The following NPFFR2 variants were observed in gnomAD, a reference collection of about 807,000 sequenced individuals.
NPFFR2 encodes the protein neuropeptide FF receptor 2, also known as G-protein coupled receptor 74.
In NPFFR2, 15 loss-of-function variants were observed where a neutral mutation model predicts 13.1. The ratio of observed to expected loss-of-function variants is 1.15; its 90% confidence interval spans 0.77 to 1.76. The LOEUF is 1.76. Among genes scored for constraint, NPFFR2 ranks in the 40% most tolerant of loss-of-function variants. The probability of loss-of-function intolerance (pLI) is 0.00; values close to 1 mark genes in which losing one functional copy is unlikely to be tolerated. For synonymous variants in NPFFR2, 190 were observed against 175.7 expected (o/e 1.08, Z -0.65); for missense variants, 572 against 503.5 (o/e 1.14, Z -1.30).
At chr4:72,133,013 C>T (rs1344122937) in intron 2 of NPFFR2, among the ~76,000 whole-genome samples, 1 of 152,052 alleles carries the variant, frequency 6.6e-6, no homozygotes, top group Non-Finnish European at 1.5e-5. Context: ...TTAATAGATT[C>T]CATTTGTAAA....
At chr4:72,054,469 A>G (rs1159431317) in intron 1 of NPFFR2, among the ~76,000 whole-genome samples, 1 of 151,962 alleles carries the variant, frequency 6.6e-6, no homozygotes, top group Non-Finnish European at 1.5e-5. Context: ...CACCATACAC[A>G]AAAATTAAAT....
intron 2 of NPFFR2, among the ~76,000 whole-genome samples, chr4:72,133,134 G>T (rs530792688): frequency 3.7e-4 from 57 of 152,218 alleles, no homozygotes; most frequent in African/African-American, 1.2e-3. Flanking sequence ...ATAGTTTTGG[G>T]TTTTACCTTT....
intron 1 of NPFFR2, among the ~76,000 whole-genome samples, chr4:72,041,273 T>A (rs1247990889): frequency 6.6e-6 from 1 of 152,224 alleles, no homozygotes; most frequent in Admixed American, 6.5e-5. Context: ...TCTGCATTTA[T>A]TTGCTTAGGA....
At chr4:72,127,363 T>TC (rs1722085675) in intron 1 of NPFFR2, among the ~76,000 whole-genome samples, 1 of 101,304 alleles carries the variant, frequency 9.9e-6, no homozygotes, top group Non-Finnish European at 2.0e-5. Flanking sequence ...TTCTTTTCTT[T>TC]TTTTTTTTTT....
chr4:72,068,772 G>A (rs948620150), intron 1 of NPFFR2: 3 of 326,990 alleles, frequency 9.2e-6, no homozygotes, highest in Non-Finnish European at 1.7e-5. Flanking sequence ...TAGAATAACG[G>A]TTCTATGCTA....
chr4:72,127,399 T>C (rs1722088977), intron 1 of NPFFR2, among the ~76,000 whole-genome samples: 1 of 104,766 alleles, frequency 9.5e-6, no homozygotes, highest in Non-Finnish European at 1.9e-5. Flanking sequence ...AGTCTCGCTC[T>C]GTCGCCCAGG....
At chr4:72,065,301 A>G (rs1253223931) in intron 1 of NPFFR2, among the ~76,000 whole-genome samples, 1 of 152,176 alleles carries the variant, frequency 6.6e-6, no homozygotes, top group Non-Finnish European at 1.5e-5. Flanking sequence ...GTCTCTGAAA[A>G]AAATCAGAGA....
intron 1 of NPFFR2, among the ~76,000 whole-genome samples, chr4:72,108,799 C>A (rs1044761316): frequency 2.0e-5 from 3 of 151,832 alleles, no homozygotes; most frequent in Admixed American, 6.6e-5. Context: ...TCTTCAATTG[C>A]ACATTTTATA....
chr4:72,131,875 C>T (rs997822045), intron 2 of NPFFR2, among the ~76,000 whole-genome samples: 1 of 151,282 alleles, frequency 6.6e-6, no homozygotes, highest in African/African-American at 2.4e-5. Flanking sequence ...AACATATTTA[C>T]TAAATTCAAA....
At chr4:72,108,605 A>T (rs963510815) in intron 1 of NPFFR2, among the ~76,000 whole-genome samples, 1 of 152,060 alleles carries the variant, frequency 6.6e-6, no homozygotes, top group East Asian at 1.9e-4. Flanking sequence ...CTAAAATATT[A>T]TATATGTGTA....
intron 1 of NPFFR2, among the ~76,000 whole-genome samples, chr4:72,119,898 C>T (rs568391928): frequency 2.6e-5 from 4 of 152,044 alleles, no homozygotes; most frequent in Non-Finnish European, 5.9e-5. Flanking sequence ...TTTTTTCATA[C>T]CCCAGTGGCA....
chr4:72,050,174 T>C (rs144826353), intron 1 of NPFFR2, among the ~76,000 whole-genome samples: 1 of 152,074 alleles, frequency 6.6e-6, no homozygotes, highest in South Asian at 2.1e-4. Context: ...TTTTCCATGT[T>C]AGTGAACACA....
chr4:72,099,884 AAC>A (rs1721190311), intron 1 of NPFFR2, among the ~76,000 whole-genome samples: 2 of 152,142 alleles, frequency 1.3e-5, no homozygotes, highest in Admixed American at 6.6e-5. Context: ...CACACACAGA[AAC>A]ACACAAGGGG....
intron 1 of NPFFR2, among the ~76,000 whole-genome samples, chr4:72,077,217 A>C (rs574305720): frequency 8.5e-5 from 13 of 152,090 alleles, no homozygotes; most frequent in Non-Finnish European, 1.3e-4. Context: ...GGCTTTCACT[A>C]ATGTAACCCT....
At chr4:72,124,935 A>C (rs1270871799) in intron 1 of NPFFR2, among the ~76,000 whole-genome samples, 1 of 152,228 alleles carries the variant, frequency 6.6e-6, no homozygotes, top group Non-Finnish European at 1.5e-5. Context: ...ATCCAATGAA[A>C]CTAAAGAGCT....
chr4:72,046,853 A>G (rs1719395372), intron 1 of NPFFR2, among the ~76,000 whole-genome samples: 1 of 152,178 alleles, frequency 6.6e-6, no homozygotes, highest in Non-Finnish European at 1.5e-5. Context: ...TTAAAGGTAA[A>G]GGCCATTTTG....
chr4:72,037,311 G>A (rs1719064802), intron 1 of NPFFR2, among the ~76,000 whole-genome samples: 1 of 151,636 alleles, frequency 6.6e-6, no homozygotes, highest in Admixed American at 6.6e-5. Flanking sequence ...GGTTAAGGTG[G>A]GAGGATTGCT....
intron 1 of NPFFR2, among the ~76,000 whole-genome samples, chr4:72,072,743 C>G (rs1199466144): frequency 6.6e-6 from 1 of 151,978 alleles, no homozygotes; most frequent in Non-Finnish European, 1.5e-5. Flanking sequence ...GTAGAATAAA[C>G]TCAAAGATAC....
chr4:72,129,181 T>C (rs938430210), intron 2 of NPFFR2, among the ~76,000 whole-genome samples: 6 of 152,200 alleles, frequency 3.9e-5, no homozygotes, highest in African/African-American at 7.2e-5. Flanking sequence ...GCTATTTTTA[T>C]AGAGTATTCA....
Sources: allele counts gnomAD v4.1 joint callset (sites outside exome capture counted in the v4.1 genomes callset), GRCh38; gene constraint gnomAD v4.1.1; transcripts MANE v1.5; gene names NCBI Gene and HGNC (gene_info 2026-07-23, HGNC 2026-07-21).